GAD2: variants seen among roughly 807,000 people sequenced by gnomAD.
GAD2 encodes the protein 65 kDa glutamic acid decarboxylase.
Under a neutral mutation model 80.1 loss-of-function variants are expected in GAD2, and 22 were observed. The observed-to-expected ratio is 0.27, with a 90% CI of 0.20 to 0.39. GAD2 has a LOEUF of 0.39. Ranked by LOEUF, GAD2 falls within the 10% of genes least tolerant of loss-of-function variation. The pLI is 1.00. For synonymous variants in GAD2, 274 were observed against 256.9 expected (o/e 1.07, Z -0.64); for missense variants, 624 against 738.4 (o/e 0.85, Z 1.80).
At chr10:26,270,055 C>A (rs1845116515) in intron 9 of GAD2, among the ~76,000 whole-genome samples, 1 of 152,196 alleles carries the variant, frequency 6.6e-6, no homozygotes, top group African/African-American at 2.4e-5. Flanking sequence ...CTGCCTTCTT[C>A]CAGCCCGTTA....
At chr10:26,294,722 T>G (rs906396134) in intron 15 of GAD2, among the ~76,000 whole-genome samples, 1 of 152,090 alleles carries the variant, frequency 6.6e-6, no homozygotes, top group Non-Finnish European at 1.5e-5. Flanking sequence ...GTTGGTTCAT[T>G]CCAGGAAATC....
chr10:26,231,621 T>A lies in GAD2; in HGVS notation c.840+1844T>A, dbSNP rs193093106. Among the ~76,000 whole-genome samples the A allele has an allele frequency of 8.5e-5, 13 of 152,348 alleles. No homozygotes were observed. In the East Asian group the frequency reaches 2.5e-3, roughly 29 times the overall value. ...AATTACTTAGTATTTTACCTTTCTG[T>A]TGCTGCTGGAACAAATGATCACAAA... On this transcript the variant is annotated intron_variant, in intron 7 of 15. Transcript: ENST00000376261.
rs756151072 is a variant in GAD2 at position 26,300,985 on chromosome 10, C to T, written c.*24C>T. ...AATAACCTTGCTCACCAAGCTGTTC[C>T]ACTTCTCTAGGTAGACAATTAAGTT... On this transcript the variant is annotated 3_prime_UTR_variant, in exon 16 of 16. Transcript: ENST00000376261. The T allele has an allele frequency of 1.9e-6, 3 of 1,591,544 alleles. No individual in the cohort carries two copies. The highest frequency in any genetic ancestry group is 3.3e-5 in the Admixed American group (2 of 59,942).
chr10:26,273,591 G>A lies in GAD2; in HGVS notation c.1093-45G>A, dbSNP rs368790167. On this transcript the variant is annotated intron_variant, in intron 10 of 15. Transcript: ENST00000376261. ...AAGACACCAGACTATAGAAATCTAG[G>A]CAATGACAAACTGCTACCATTTTCC... The A allele has an allele frequency of 2.7e-6, 4 of 1,488,426 alleles. No individual in the cohort carries two copies. The African/African-American group carries it at 4.1e-5, about 15-fold the overall frequency. 92.2% of individuals were successfully genotyped at this position (1,488,426 alleles called of 1,614,324 possible).
At position 26,281,101 on chromosome 10, in the gene GAD2, G is replaced by A. The variant is rs556846539; in HGVS notation, c.1236+14G>A. On this transcript the variant is annotated intron_variant, in intron 12 of 15. Transcript: ENST00000376261. Reference sequence around the variant, plus strand: ...GTTAGAGAAGAGGTATGTCTCTCTTGACTCTGTGTCCCAGTCCGTGCGTGG... The same window carrying A: ...GTTAGAGAAGAGGTATGTCTCTCTTAACTCTGTGTCCCAGTCCGTGCGTGG... 2 of 1,591,124 alleles carry A rather than the reference G, an allele frequency of 1.3e-6. No individual in the cohort carries two copies. Among genetic ancestry groups the A allele is most frequent in the East Asian group, 4.5e-5 (2 of 44,722 alleles).
chr10:26,292,380 C>G (rs537418652), intron 13 of GAD2, 85 bp from the exon 14 acceptor site: 2 of 974,924 alleles, frequency 2.1e-6, no homozygotes, highest in Non-Finnish European at 3.2e-6. Flanking sequence ...AAGACAGAGA[C>G]GGCAGGATGA....
intron 11 of GAD2, among the ~76,000 whole-genome samples, chr10:26,279,884 C>T (rs1434782593): frequency 6.6e-6 from 1 of 152,192 alleles, no homozygotes; most frequent in Non-Finnish European, 1.5e-5. Context: ...GAAGCAGGGG[C>T]CTTGCCAGAA....
chr10:26,226,149 G>A (rs1336901553), intron 6 of GAD2, among the ~76,000 whole-genome samples: 1 of 151,932 alleles, frequency 6.6e-6, no homozygotes, highest in Non-Finnish European at 1.5e-5. Context: ...AATGGTCCCC[G>A]GGAGTAGGGA....
At chr10:26,233,204 T>G (rs1844627745) in intron 7 of GAD2, among the ~76,000 whole-genome samples, 1 of 152,184 alleles carries the variant, frequency 6.6e-6, no homozygotes, top group African/African-American at 2.4e-5. Context: ...CCAAGACCAG[T>G]GAGCTCCATG....
At chr10:26,228,625 C>T (rs1243391449) in intron 6 of GAD2, among the ~76,000 whole-genome samples, 3 of 152,158 alleles carry the variant, frequency 2.0e-5, no homozygotes, top group African/African-American at 4.8e-5. Context: ...CGAGCATTAC[C>T]GCCTTAGCTC....
chr10:26,269,873 CAGG>C (rs1346361576), intron 9 of GAD2, among the ~76,000 whole-genome samples: 1 of 152,120 alleles, frequency 6.6e-6, no homozygotes, highest in African/African-American at 2.4e-5. Context: ...TGGCAGGCAG[CAGG>C]AGAAGGTTTC....
intron 15 of GAD2, among the ~76,000 whole-genome samples, chr10:26,294,016 C>T (rs919860985): frequency 6.6e-6 from 1 of 152,238 alleles, no homozygotes; most frequent in African/African-American, 2.4e-5. Context: ...CTTTCATCCT[C>T]TCCTGCTCCC....
At chr10:26,241,939 C>T (rs1169564493) in intron 7 of GAD2, among the ~76,000 whole-genome samples, 1 of 151,984 alleles carries the variant, frequency 6.6e-6, no homozygotes, top group Non-Finnish European at 1.5e-5. Context: ...TTCTTGTTGG[C>T]CTTGCAGATA....
At chr10:26,230,837 C>T (rs1413317130) in intron 7 of GAD2, among the ~76,000 whole-genome samples, 1 of 151,968 alleles carries the variant, frequency 6.6e-6, no homozygotes. Context: ...CCTGTAATCC[C>T]AGCACTTTGG....
chr10:26,221,926 G>A (rs1174304431), intron 4 of GAD2, among the ~76,000 whole-genome samples: 2 of 152,182 alleles, frequency 1.3e-5, no homozygotes, highest in Non-Finnish European at 2.9e-5. Context: ...CAATTCCTTG[G>A]AGAGAGCCCT....
intron 7 of GAD2, among the ~76,000 whole-genome samples, chr10:26,244,479 A>G (rs183823471): frequency 6.6e-6 from 1 of 152,378 alleles, no homozygotes; most frequent in East Asian, 1.9e-4. Context: ...GGTAGAAGCA[A>G]CCTGTTTGTA....
At position 26,273,691 on chromosome 10, in the gene GAD2, G is replaced by A. The variant is rs774455272; in HGVS notation, c.1148G>A (p.Gly383Asp). Residue 383 changes from glycine to aspartate, a missense_variant, in exon 11 of 16, where the codon GGC becomes GAC. By Grantham distance (94) the Gly-to-Asp change is moderately conservative. Coordinates refer to ENST00000376261, the MANE Select transcript of GAD2 (RefSeq NM_001134366.2). ...MSRKHKWKLS[G>D]VERANSVTWN... is the part of the protein sequence containing the mutation. ...CGAAAACACAAGTGGAAACTGAGTG[G>A]CGTGGAGAGGTATGTTGCATTTTTC... is the stretch of plus-strand genomic sequence containing the variant. 7 of 1,613,432 alleles carry A rather than the reference G, an allele frequency of 4.3e-6. No individual in the cohort carries two copies. Among genetic ancestry groups the A allele is most frequent in the African/African-American group, 1.3e-5 (1 of 74,852 alleles).
chr10:26,262,699 G>A (rs1845023155), intron 8 of GAD2, among the ~76,000 whole-genome samples: 1 of 152,062 alleles, frequency 6.6e-6, no homozygotes. Context: ...AATGATTTAG[G>A]ATGCTTCTCA....
intron 6 of GAD2, among the ~76,000 whole-genome samples, chr10:26,226,581 A>G (rs939677320): frequency 6.6e-6 from 1 of 152,212 alleles, no homozygotes; most frequent in African/African-American, 2.4e-5. Flanking sequence ...TATGGATGCT[A>G]TTCCCGGGAG....
Sources: allele counts gnomAD v4.1 joint callset (sites outside exome capture counted in the v4.1 genomes callset), GRCh38; gene constraint gnomAD v4.1.1; transcripts MANE v1.5; gene names NCBI Gene and HGNC (gene_info 2026-07-23, HGNC 2026-07-21).